NCKAP5: variants seen among roughly 807,000 people sequenced by gnomAD.
The protein encoded by NCKAP5 is NCK associated protein 5, also known as nck-associated protein 5.
A neutral mutation model predicts 167.0 loss-of-function variants in NCKAP5; 92 were observed. That is an observed-to-expected ratio of 0.55 (90% CI 0.47 to 0.66). The LOEUF (loss-of-function observed/expected upper bound fraction) is 0.66, where lower values mean the gene tolerates loss of function less well. Ranked by LOEUF, NCKAP5 falls within the 30% of genes least tolerant of loss-of-function variation. The pLI is 0.00. For synonymous variants in NCKAP5, 891 were observed against 877.4 expected, an observed-to-expected ratio of 1.02 and a Z score of -0.27; for missense variants, 2,378 against 2,315.0, an observed-to-expected ratio of 1.03 and a Z score of -0.56.
intron 3 of NCKAP5, among the ~76,000 whole-genome samples, chr2:133,507,744 G>C (rs1683137575): frequency 6.6e-6 from 1 of 152,160 alleles, no homozygotes. Context: ...AATTGGGCTG[G>C]AGATGAGGGC....
At chr2:132,915,987 A>G (rs560094193) in intron 8 of NCKAP5, among the ~76,000 whole-genome samples, 1 of 152,190 alleles carries the variant, frequency 6.6e-6, no homozygotes, top group African/African-American at 2.4e-5. Flanking sequence ...AGGTGGGGCT[A>G]TGACTCAATA....
intron 11 of NCKAP5, among the ~76,000 whole-genome samples, chr2:132,804,040 C>T (rs1318072384): frequency 1.3e-5 from 2 of 151,950 alleles, no homozygotes; most frequent in African/African-American, 4.8e-5. Flanking sequence ...GCAGAGCTCC[C>T]AAATCTCTTG....
At chr2:133,202,711 C>T (rs1159893761) in intron 5 of NCKAP5, among the ~76,000 whole-genome samples, 1 of 152,064 alleles carries the variant, frequency 6.6e-6, no homozygotes, top group African/African-American at 2.4e-5. Context: ...CAAACAACCC[C>T]ATCAAAAAGT....
chr2:133,447,950 A>C (rs1381809655), intron 3 of NCKAP5, among the ~76,000 whole-genome samples: 1 of 152,118 alleles, frequency 6.6e-6, no homozygotes, highest in African/African-American at 2.4e-5. Context: ...TGCATGGGCC[A>C]TTTCACCTCT....
chr2:133,254,703 T>A (rs2088528067), intron 4 of NCKAP5, among the ~76,000 whole-genome samples: 1 of 152,154 alleles, frequency 6.6e-6, no homozygotes, highest in Admixed American at 6.6e-5. Context: ...TTATAGGAGT[T>A]TGGGTGAAGT....
intron 3 of NCKAP5, among the ~76,000 whole-genome samples, chr2:133,326,369 A>G (rs6724854): frequency 0.31 from 46,471 of 150,778 alleles, 7,551 homozygotes; most frequent in African/African-American, 0.41. Context: ...CAGGAGAATC[A>G]CATGAACCAG....
Position 133,517,581 on chromosome 2 carries a change from A to G in NCKAP5, c.-55T>C. On this transcript the variant is annotated 5_prime_UTR_variant, in exon 3 of 20. Coordinates refer to ENST00000409261, the MANE Select transcript of NCKAP5 (RefSeq NM_207363.3). ...TTATAAGAATCCCCCGTCTGTTTCC[A>G]GGGTCACTGAAAAGAGTGAACATGT... The G allele has an allele frequency of 8.2e-7, 1 of 1,222,672 alleles. No homozygotes were observed. The highest frequency in any genetic ancestry group is 1.1e-6 in the Non-Finnish European group (1 of 881,842). The allele number at this position is 1,222,672 out of a possible 1,614,324, so 75.7% of individuals were successfully genotyped here. A position where few individuals can be genotyped will look rare whatever the true frequency, so the allele number is the denominator to read the frequency against.
At chr2:133,181,603 CA>C (rs34264277) in intron 5 of NCKAP5, among the ~76,000 whole-genome samples, 1,383 of 71,112 alleles carry the variant, frequency 0.019, 17 homozygotes, top group African/African-American at 0.071. Flanking sequence ...CCCATCTCTA[CA>C]AAAAAAAAAA....
intron 6 of NCKAP5, among the ~76,000 whole-genome samples, chr2:133,098,140 A>G (rs2081398962): frequency 6.6e-6 from 1 of 152,262 alleles, no homozygotes; most frequent in Non-Finnish European, 1.5e-5. Context: ...GATGAAACCG[A>G]AAGTGCCTTC....
intron 11 of NCKAP5, among the ~76,000 whole-genome samples, chr2:132,832,801 C>A (rs191261556): frequency 3.9e-5 from 6 of 152,122 alleles, no homozygotes; most frequent in African/African-American, 1.4e-4. Flanking sequence ...CTTATCTTTG[C>A]TATTGTGAAC....
At chr2:133,499,439 A>G (rs1413300964) in intron 3 of NCKAP5, among the ~76,000 whole-genome samples, 1 of 152,250 alleles carries the variant, frequency 6.6e-6, no homozygotes, top group East Asian at 1.9e-4. Context: ...GGCCATGCAA[A>G]AAAACCAACA....
chr2:132,976,868 G>A (rs1234269603), intron 7 of NCKAP5, among the ~76,000 whole-genome samples: 2 of 151,946 alleles, frequency 1.3e-5, no homozygotes, highest in South Asian at 4.1e-4. Flanking sequence ...AGAAAACACG[G>A]TCAATATCAT....
intron 10 of NCKAP5, 149 bp from the exon 11 acceptor site, chr2:132,860,760 T>C (rs1267841030): frequency 1.2e-5 from 13 of 1,064,956 alleles, no homozygotes; most frequent in South Asian, 3.7e-5. Context: ...TACGTTTTCG[T>C]CCACAGACCA....
chr2:133,114,388 TC>T (rs1018655759), intron 6 of NCKAP5, among the ~76,000 whole-genome samples: 2 of 152,188 alleles, frequency 1.3e-5, no homozygotes, highest in South Asian at 4.1e-4. Flanking sequence ...CTCCTGATCC[TC>T]CCTCCAAATT....
At chr2:133,028,586 A>G (rs575373537) in intron 6 of NCKAP5, among the ~76,000 whole-genome samples, 5 of 152,320 alleles carry the variant, frequency 3.3e-5, no homozygotes, top group Admixed American at 2.6e-4. Context: ...TACACTATTT[A>G]TAAGTGAGAA....
At chr2:133,652,416 C>A in the NCKAP5 span, among the ~76,000 whole-genome samples, 3 of 152,182 alleles carry the variant, frequency 2.0e-5, no homozygotes, top group Admixed American at 2.0e-4. Context: ...TACATAAATG[C>A]AGGAAGACTT....
intron 19 of NCKAP5, among the ~76,000 whole-genome samples, chr2:132,675,490 C>T (rs935437068): frequency 6.6e-6 from 1 of 152,102 alleles, no homozygotes; most frequent in African/African-American, 2.4e-5. Flanking sequence ...TCAACAACAC[C>T]AAGGAGCTTC....
chr2:133,641,822 C>T, the NCKAP5 span, among the ~76,000 whole-genome samples: 4 of 152,218 alleles, frequency 2.6e-5, no homozygotes, highest in African/African-American at 9.6e-5. Flanking sequence ...CCATGGCAGG[C>T]TCACAACTGG....
chr2:133,654,302 C>G, the NCKAP5 span, among the ~76,000 whole-genome samples: 1 of 151,884 alleles, frequency 6.6e-6, no homozygotes, highest in Non-Finnish European at 1.5e-5. Context: ...CACTTGAACC[C>G]AGGAGGCTGA....
Sources: allele counts gnomAD v4.1 joint callset (sites outside exome capture counted in the v4.1 genomes callset), GRCh38; gene constraint gnomAD v4.1.1; transcripts MANE v1.5; gene names NCBI Gene and HGNC (gene_info 2026-07-23, HGNC 2026-07-21).